The following ANO4 variants were observed in gnomAD, a reference collection of about 807,000 sequenced individuals.
ANO4 encodes the protein anoctamin 4, also known as anoctamin-4.
Under a neutral mutation model 141.9 loss-of-function variants are expected in ANO4, and 69 were observed. The ratio of observed to expected loss-of-function variants is 0.49; its 90% CI spans 0.40 to 0.59. The LOEUF (loss-of-function observed/expected upper bound fraction) is 0.59, where lower values mean the gene tolerates loss of function less well. Ranked by LOEUF, ANO4 falls within the 20% of genes least tolerant of loss-of-function variation. The probability of loss-of-function intolerance (pLI) is 0.00; values close to 1 mark genes in which losing one functional copy is unlikely to be tolerated. For synonymous variants in ANO4, 350 were observed against 394.3 expected, an observed-to-expected ratio of 0.89 and a Z score of 1.33; for missense variants, 894 against 1,162.2, an observed-to-expected ratio of 0.77 and a Z score of 3.36.
At chr12:100,939,976 A>T (rs1011063652) in intron 4 of ANO4, among the ~76,000 whole-genome samples, 1 of 152,196 alleles carries the variant, frequency 6.6e-6, no homozygotes, top group Non-Finnish European at 1.5e-5. Context: ...TTGTGTCTCA[A>T]TAGAGTTTAA....
intron 22 of ANO4, among the ~76,000 whole-genome samples, chr12:101,104,760 G>T (rs1191846398): frequency 6.7e-6 from 1 of 149,384 alleles, no homozygotes; most frequent in Non-Finnish European, 1.5e-5. Flanking sequence ...TGGTATAATG[G>T]TCTACATTTT....
At chr12:100,811,583 C>T (rs945934261) in intron 1 of ANO4, among the ~76,000 whole-genome samples, 4 of 152,110 alleles carry the variant, frequency 2.6e-5, no homozygotes, top group African/African-American at 4.8e-5. Flanking sequence ...CCACAGTCTG[C>T]GCCAGTCACT....
intron 1 of ANO4, among the ~76,000 whole-genome samples, chr12:100,840,457 A>G (rs985498404): frequency 6.6e-6 from 1 of 152,132 alleles, no homozygotes; most frequent in African/African-American, 2.4e-5. Context: ...CGGTTGGGGA[A>G]ACTGAGACAC....
At chr12:100,907,508 C>T (rs2040900016) in intron 2 of ANO4, among the ~76,000 whole-genome samples, 2 of 152,182 alleles carry the variant, frequency 1.3e-5, no homozygotes, top group Non-Finnish European at 2.9e-5. Context: ...TTATAGTTCT[C>T]CCAGAAGGCA....
intron 5 of ANO4, among the ~76,000 whole-genome samples, chr12:100,955,321 G>A (rs1042884797): frequency 2.0e-5 from 3 of 152,182 alleles, no homozygotes; most frequent in African/African-American, 7.2e-5. Context: ...CCCTTTTAAG[G>A]TGGCTGACTC....
intron 3 of ANO4, among the ~76,000 whole-genome samples, chr12:100,923,591 A>G (rs973167177): frequency 1.3e-5 from 2 of 152,202 alleles, no homozygotes; most frequent in African/African-American, 2.4e-5. Flanking sequence ...GTGCCGCAAT[A>G]AACATACGTG....
intron 8 of ANO4, among the ~76,000 whole-genome samples, chr12:101,016,095 A>G (rs1198819022): frequency 1.3e-5 from 2 of 152,194 alleles, no homozygotes; most frequent in Non-Finnish European, 2.9e-5. Flanking sequence ...AGGCCAAGGT[A>G]TAAGGAGATG....
In ANO4 at chr12:100,803,070, A is replaced by G. The variant is rs550224025; in HGVS notation, c.-141+8043A>G. ...TGATTTAAAGAAAAGTACTACGGACATCAAAGCCCATTAGTATTTTTCTCA... is the reference window on the plus strand; with the variant it reads ...TGATTTAAAGAAAAGTACTACGGACGTCAAAGCCCATTAGTATTTTTCTCA... On this transcript the variant is annotated intron_variant, in intron 1 of 27. Coordinates refer to ENST00000392977, the MANE Select transcript of ANO4 (RefSeq NM_001286615.2). Among the ~76,000 whole-genome samples the G allele has an allele frequency of 3.3e-5, 5 of 152,346 alleles. No individual in the cohort carries two copies. The South Asian group carries it at 1.0e-3, about 32-fold the overall frequency.
chr12:100,976,527 C>T (rs2044201959), intron 7 of ANO4, among the ~76,000 whole-genome samples: 1 of 152,210 alleles, frequency 6.6e-6, no homozygotes, highest in Non-Finnish European at 1.5e-5. Context: ...TCTCAAACTC[C>T]AGCCAGCATC....
chr12:100,880,544 A>G lies in ANO4; in HGVS notation c.-140-21102A>G, dbSNP rs991360524. Among the ~76,000 whole-genome samples the G allele has an allele frequency of 7.2e-5, 11 of 152,196 alleles. No individual in the cohort carries two copies. In the East Asian group the frequency reaches 1.9e-3, roughly 27 times the overall value. On this transcript the variant is annotated intron_variant, in intron 1 of 27. Transcript: ENST00000392977. ...TACAACGCAGAAAATATAGTGTTGT[A>G]ATGCTCCAAAGTTAATTTATACAAT...
chr12:100,843,617 C>T (rs947570253), intron 1 of ANO4, among the ~76,000 whole-genome samples: 4 of 152,156 alleles, frequency 2.6e-5, no homozygotes, highest in East Asian at 1.9e-4. Flanking sequence ...AGGTAGACGA[C>T]GACATGACCA....
chr12:101,087,322 A>T (rs2049546512), intron 17 of ANO4, among the ~76,000 whole-genome samples: 1 of 151,720 alleles, frequency 6.6e-6, no homozygotes, highest in African/African-American at 2.4e-5. Context: ...GTTCAAGACC[A>T]GCCTAGGTAA....
intron 3 of ANO4, among the ~76,000 whole-genome samples, chr12:100,756,799 T>G (rs2032633509): frequency 6.6e-6 from 1 of 152,162 alleles, no homozygotes; most frequent in Non-Finnish European, 1.5e-5. Context: ...TTCATGTCAC[T>G]TAAATGTCAG....
rs962968583 is a variant in ANO4, at chr12:101,046,017, C to T, written c.1252-2324C>T. 6.6e-5 allele frequency among the ~76,000 whole-genome samples: 10 copies of T among 152,350 alleles called. No individual in the cohort carries two copies. The South Asian group carries it at 1.4e-3, about 22-fold the overall frequency. On this transcript the variant is annotated intron_variant, in intron 13 of 27. Transcript: ENST00000392977. ...CTGTTGGGTACTTGTCCTCTGGAGG[C>T]GTCAGCCACTTTGAGTAAGGGTCAG...
intron 1 of ANO4, among the ~76,000 whole-genome samples, chr12:100,830,520 T>C (rs2036577193): frequency 6.6e-6 from 1 of 152,090 alleles, no homozygotes; most frequent in Non-Finnish European, 1.5e-5. Context: ...CATGCCTTTC[T>C]CTTTACTTTG....
At chr12:101,041,796 G>A (rs553180332) in intron 11 of ANO4, among the ~76,000 whole-genome samples, 2 of 152,308 alleles carry the variant, frequency 1.3e-5, no homozygotes, top group South Asian at 2.1e-4. Flanking sequence ...CAGCACCCCT[G>A]TGGAAGTCTC....
chr12:100,756,394 G>T (rs569077109), intron 3 of ANO4, among the ~76,000 whole-genome samples: 1 of 152,126 alleles, frequency 6.6e-6, no homozygotes, highest in African/African-American at 2.4e-5. Context: ...CTGTTGCCCA[G>T]GCTGGAGTGC....
chr12:100,771,618 TAGG>T (rs1270740109), intron 3 of ANO4, among the ~76,000 whole-genome samples: 1 of 152,000 alleles, frequency 6.6e-6, no homozygotes. Context: ...ACCCAGGGGC[TAGG>T]AGAAGGGAGA....
intron 6 of ANO4, among the ~76,000 whole-genome samples, chr12:100,974,055 C>T (rs896655904): frequency 8.5e-5 from 13 of 152,126 alleles, no homozygotes; most frequent in African/African-American, 2.7e-4. Flanking sequence ...CATTCAGTTT[C>T]GGTTGAAGCC....
Sources: allele counts gnomAD v4.1 joint callset (sites outside exome capture counted in the v4.1 genomes callset), GRCh38; gene constraint gnomAD v4.1.1; transcripts MANE v1.5; gene names NCBI Gene and HGNC (gene_info 2026-07-23, HGNC 2026-07-21).